Variants in CDH11 observed in about 807,000 individuals in gnomAD.
The protein encoded by CDH11 is cadherin 11, also known as cadherin-11.
A neutral mutation model predicts 67.8 loss-of-function variants in CDH11; 11 were observed. The observed-to-expected ratio is 0.16, with a 90% confidence interval of 0.10 to 0.27. The LOEUF is 0.27. Ranked by LOEUF, CDH11 falls within the 10% of genes least tolerant of loss-of-function variation. The pLI, the probability that CDH11 is intolerant of heterozygous loss-of-function variation, is 1.00. For synonymous variants in CDH11, 419 were observed against 400.0 expected (o/e 1.05, Z -0.57); for missense variants, 847 against 1,031.2 (o/e 0.82, Z 2.45).
At position 64,982,103 on chromosome 16, in the gene CDH11, T is replaced by C; in HGVS notation, c.1198A>G (p.Thr400Ala). The change falls in exon 8 of 13, where the codon ACC (threonine) becomes GCC (alanine). Residue 400 changes from threonine (T) to alanine (A), a missense_variant. This residue lies in a region of CDH11 where 612 missense variants were observed against 678.7 expected (regional missense o/e 0.90). Transcript: ENST00000268603. ...TTGGCATGCACTCTCCCAACCACGGTGCCAGCAGCTGCATTTTCTTGGACT... is the reference window on the plus strand; with the variant it reads ...TTGGCATGCACTCTCCCAACCACGGCGCCAGCAGCTGCATTTTCTTGGACT... ...HEVQENAAAG[T>A]VVGRVHAKDP... The C allele has an allele frequency of 6.2e-7, 1 of 1,614,062 alleles. No individual in the cohort carries two copies.
intron 1 of CDH11, among the ~76,000 whole-genome samples, chr16:65,061,327 T>C (rs1159558852): frequency 6.6e-6 from 1 of 152,226 alleles, no homozygotes; most frequent in Non-Finnish European, 1.5e-5. Context: ...CAAAATTATA[T>C]AATTTTTTAA....
intron 11 of CDH11, among the ~76,000 whole-genome samples, chr16:64,964,982 G>T (rs2071773514): frequency 6.6e-6 from 1 of 151,850 alleles, no homozygotes; most frequent in African/African-American, 2.4e-5. Context: ...GTGTCATGTT[G>T]GTGTGCTGCA....
intron 2 of CDH11, among the ~76,000 whole-genome samples, chr16:65,048,657 T>C (rs2074003337): frequency 6.6e-6 from 1 of 152,082 alleles, no homozygotes; most frequent in South Asian, 2.1e-4. Flanking sequence ...CGTGTCTATA[T>C]CTACATATAT....
chr16:64,998,414 G>A, intron 4 of CDH11, 148 bp downstream of exon 4: 2 of 744,138 alleles, frequency 2.7e-6, no homozygotes, highest in South Asian at 3.5e-5. Flanking sequence ...TTTTACAGAG[G>A]AACAAAAGAA....
intron 2 of CDH11, among the ~76,000 whole-genome samples, chr16:65,035,367 G>A (rs866776617): frequency 1.2e-4 from 18 of 152,210 alleles, no homozygotes; most frequent in Non-Finnish European, 2.5e-4. Flanking sequence ...AAAGTAAGTT[G>A]CAAAGCACAT....
At chr16:65,122,873 G>A (rs1204988811), upstream of CDH11, among the ~76,000 whole-genome samples, 1 of 152,198 alleles carries the variant, frequency 6.6e-6, no homozygotes, top group African/African-American at 2.4e-5. Context: ...CCCTACCCCA[G>A]CCAGGTATCA....
chr16:64,943,792 T>C lies in CDH11; in HGVS notation c.*3811A>G, dbSNP rs1461205539. 4.7e-6 allele frequency: 1 copy of C among 211,346 alleles called. No homozygotes were observed. Among genetic ancestry groups the C allele is most frequent in the African/African-American group, 2.3e-5 (1 of 44,120 alleles). The allele number at this position is 211,346 out of a possible 1,614,324, so 13.1% of individuals were successfully genotyped here. On this transcript the variant is annotated 3_prime_UTR_variant, in exon 13 of 13. Coordinates refer to ENST00000268603, the MANE Select transcript of CDH11 (RefSeq NM_001797.4). ...ATAGATATTTATTGTGTACCTGTTA[T>C]GTTTCAGGCACTGTGTAAAGAACTG...
At chr16:65,123,200 C>G (rs1032851686), upstream of CDH11, among the ~76,000 whole-genome samples, 8 of 152,102 alleles carry the variant, frequency 5.3e-5, no homozygotes, top group African/African-American at 1.9e-4. Flanking sequence ...AGGGAACAAC[C>G]ATGCCTGTGT....
chr16:64,994,339 T>G (rs1181523843), intron 4 of CDH11, among the ~76,000 whole-genome samples: 2 of 152,242 alleles, frequency 1.3e-5, no homozygotes, highest in Non-Finnish European at 2.9e-5. Flanking sequence ...TCTAGAACTC[T>G]GCTACATCCT....
chr16:65,041,216 G>C, intron 2 of CDH11, among the ~76,000 whole-genome samples: 1 of 152,132 alleles, frequency 6.6e-6, no homozygotes, highest in East Asian at 1.9e-4. Context: ...CATGTTTTCC[G>C]TATTTTCTTT....
intron 11 of CDH11, among the ~76,000 whole-genome samples, chr16:64,951,302 C>G (rs1029666980): frequency 6.6e-6 from 1 of 152,124 alleles, no homozygotes; most frequent in African/African-American, 2.4e-5. Flanking sequence ...AATGATGTGG[C>G]CGGCTTGCCA....
chr16:65,015,455 C>G (rs548314084), intron 2 of CDH11, among the ~76,000 whole-genome samples: 1 of 149,408 alleles, frequency 6.7e-6, no homozygotes, highest in Non-Finnish European at 1.5e-5. Flanking sequence ...AAAAAAAAAA[C>G]AAAACCCAGA....
intron 2 of CDH11, among the ~76,000 whole-genome samples, chr16:65,052,908 T>C (rs932889154): frequency 9.9e-5 from 15 of 152,146 alleles, no homozygotes; most frequent in African/African-American, 3.6e-4. Flanking sequence ...AATTAACTGC[T>C]ATTGGAGGTG....
chr16:65,065,502 G>A (rs147194020), intron 1 of CDH11, among the ~76,000 whole-genome samples: 2 of 152,266 alleles, frequency 1.3e-5, no homozygotes, highest in East Asian at 3.9e-4. Context: ...GCACAGGACC[G>A]CAGGACCCAT....
intron 1 of CDH11, among the ~76,000 whole-genome samples, chr16:65,066,018 G>C (rs1030797037): frequency 4.6e-5 from 7 of 152,188 alleles, no homozygotes; most frequent in Admixed American, 1.3e-4. Context: ...GCAGTCTGAC[G>C]CCAGAGCGTC....
chr16:65,035,743 AGGG>A (rs1205828317), intron 2 of CDH11, among the ~76,000 whole-genome samples: 1 of 152,198 alleles, frequency 6.6e-6, no homozygotes, highest in African/African-American at 2.4e-5. Context: ...AACAAAGGTA[AGGG>A]TTATTATTAT....
chr16:65,086,184 A>G (rs542423480), intron 1 of CDH11, among the ~76,000 whole-genome samples: 2 of 152,222 alleles, frequency 1.3e-5, no homozygotes, highest in Non-Finnish European at 2.9e-5. Flanking sequence ...ATCTGAAGCT[A>G]ACAACTGTCT....
intron 11 of CDH11, among the ~76,000 whole-genome samples, chr16:64,953,044 T>C (rs1322468537): frequency 6.6e-6 from 1 of 152,142 alleles, no homozygotes; most frequent in African/African-American, 2.4e-5. Flanking sequence ...ATCTCTAAAT[T>C]ACTTATAATA....
At chr16:65,122,075 C>G (rs1337857658), upstream of CDH11, 9 of 437,066 alleles carry the variant, frequency 2.1e-5, no homozygotes, top group African/African-American at 1.8e-4. Context: ...AGCCGCCGAG[C>G]GCGCTAGTGG....
Sources: allele counts gnomAD v4.1 joint callset (sites outside exome capture counted in the v4.1 genomes callset), GRCh38; gene constraint gnomAD v4.1.1; regional missense constraint gnomAD v4.1.1; transcripts MANE v1.5; gene names NCBI Gene and HGNC (gene_info 2026-07-23, HGNC 2026-07-21).